Variants in BBS9 observed in about 807,000 individuals in gnomAD.
BBS9 encodes protein PTHB1.
BBS9 carries 89 observed loss-of-function variants against 117.7 expected under a neutral mutation model. The observed-to-expected ratio is 0.76, with a 90% confidence interval of 0.64 to 0.90. The LOEUF is 0.90. Among genes scored for constraint, BBS9 ranks in the 40% least tolerant of loss-of-function variants. BBS9 has a pLI of 0.00. For synonymous variants in BBS9, 379 were observed against 370.9 expected (o/e 1.02, Z -0.25); for missense variants, 982 against 1,042.2 (o/e 0.94, Z 0.80).
At chr7:33,236,174 A>G (rs954481538) in intron 5 of BBS9, among the ~76,000 whole-genome samples, 1 of 151,990 alleles carries the variant, frequency 6.6e-6, no homozygotes, top group African/African-American at 2.4e-5. Context: ...TAAAAATACA[A>G]AATTAGCTGG....
intron 21 of BBS9, among the ~76,000 whole-genome samples, chr7:33,597,816 T>A (rs1863102334): frequency 6.8e-6 from 1 of 146,540 alleles, no homozygotes; most frequent in East Asian, 2.0e-4. Flanking sequence ...TGATTAAACC[T>A]AAAGCTACAG....
chr7:33,598,500 A>G (rs1358460053), intron 21 of BBS9, among the ~76,000 whole-genome samples: 1 of 152,154 alleles, frequency 6.6e-6, no homozygotes, highest in Non-Finnish European at 1.5e-5. Context: ...TAAACTGTGG[A>G]CTTTAGTTAA....
intron 21 of BBS9, among the ~76,000 whole-genome samples, chr7:33,582,347 T>C (rs1374301971): frequency 6.6e-6 from 1 of 152,052 alleles, no homozygotes; most frequent in Admixed American, 6.6e-5. Flanking sequence ...CCCATGGGGC[T>C]GCTTGGAAGG....
In BBS9 at chr7:33,408,203, C is replaced by T. The variant is rs186104046; in HGVS notation, c.2115+20059C>T. 3.2e-3 allele frequency among the ~76,000 whole-genome samples: 494 copies of T among 152,300 alleles called. 1 individual carries two copies. Among genetic ancestry groups the T allele is most frequent in the African/African-American group, 0.011 (465 of 41,572 alleles). ...GTTTGATCTCAGACTGCTGTGCTAG[C>T]AATCAGCGAGACTCCATGGGTGTAG... On this transcript the variant is annotated intron_variant, in intron 19 of 22. Transcript: ENST00000242067.
chr7:33,310,956 T>A (rs779425557), intron 9 of BBS9, among the ~76,000 whole-genome samples: 13 of 152,214 alleles, frequency 8.5e-5, no homozygotes, highest in Non-Finnish European at 1.9e-4. Flanking sequence ...ATTAAATATA[T>A]AATTGCTCAA....
chr7:33,481,216 G>A (rs1308843194), intron 19 of BBS9, among the ~76,000 whole-genome samples: 1 of 152,136 alleles, frequency 6.6e-6, no homozygotes. Context: ...TTAATGTATG[G>A]TAGTGGGAAT....
intron 19 of BBS9, among the ~76,000 whole-genome samples, chr7:33,419,062 C>T (rs1472496350): frequency 2.6e-5 from 4 of 151,938 alleles, no homozygotes; most frequent in Non-Finnish European, 5.9e-5. Flanking sequence ...TTCTGCATTC[C>T]ATTAAAATTG....
intron 5 of BBS9, among the ~76,000 whole-genome samples, chr7:33,205,614 T>A (rs955753847): frequency 5.3e-5 from 8 of 152,156 alleles, no homozygotes; most frequent in African/African-American, 1.9e-4. Context: ...ATTTTTTTCT[T>A]CTGTTCATTG....
chr7:33,367,636 A>G lies in BBS9; in HGVS notation c.1694-131A>G, dbSNP rs1822031363. The G allele has an allele frequency of 8.0e-6, 6 of 750,618 alleles. No individual in the cohort carries two copies. In the African/African-American group the frequency reaches 1.0e-4, roughly 13 times the overall value. The allele number at this position is 750,618 out of a possible 1,614,324, so 46.5% of individuals were successfully genotyped here. A position where few individuals can be genotyped will look rare whatever the true frequency, so the allele number is the denominator to read the frequency against. On this transcript the variant is annotated intron_variant, in intron 16 of 22. Transcript: ENST00000242067. ...CTATGGAAATCAAGGTGAATATATT[A>G]TAGCTCACACATGGAGTTTATACAT...
At chr7:33,145,918 A>G (rs1792269436) in intron 1 of BBS9, among the ~76,000 whole-genome samples, 1 of 152,240 alleles carries the variant, frequency 6.6e-6, no homozygotes. Context: ...CATGTTAAAT[A>G]GTGCTGATGG....
chr7:33,576,086 TATTCA>T (rs2129148004), intron 21 of BBS9, among the ~76,000 whole-genome samples: 1 of 152,224 alleles, frequency 6.6e-6, no homozygotes, highest in Admixed American at 6.5e-5. Flanking sequence ...AAATAAAGGG[TATTCA>T]ATTAGGAAAA....
chr7:33,199,188 A>C (rs1298439148), intron 5 of BBS9, among the ~76,000 whole-genome samples: 4 of 151,906 alleles, frequency 2.6e-5, no homozygotes, highest in Admixed American at 2.6e-4. Context: ...TCTCTTGCCC[A>C]ACTTCCTGAA....
At chr7:33,143,773 C>T (rs753180162) in intron 1 of BBS9, among the ~76,000 whole-genome samples, 19 of 151,762 alleles carry the variant, frequency 1.3e-4, no homozygotes, top group Non-Finnish European at 2.5e-4. Context: ...CTATGTTGGC[C>T]AGGCTGGTCT....
intron 21 of BBS9, among the ~76,000 whole-genome samples, chr7:33,564,127 T>C (rs750098879): frequency 2.6e-5 from 4 of 152,212 alleles, no homozygotes; most frequent in Non-Finnish European, 5.9e-5. Flanking sequence ...TTCTTTGTTT[T>C]ATTGGCAAAT....
chr7:33,451,895 G>A (rs147042426), intron 19 of BBS9, among the ~76,000 whole-genome samples: 146 of 152,104 alleles, frequency 9.6e-4, no homozygotes, highest in Middle Eastern at 3.4e-3. Context: ...GTGCAGTTGT[G>A]TGGTCTCAGC....
intron 1 of BBS9, among the ~76,000 whole-genome samples, chr7:33,131,121 A>G (rs1346404163): frequency 6.6e-6 from 1 of 152,204 alleles, no homozygotes; most frequent in Non-Finnish European, 1.5e-5. Context: ...GTCCCATTTA[A>G]AATTTCGGTC....
At chr7:33,411,011 G>GTTTTTTTTTTTTTTTT (rs765425062) in intron 19 of BBS9, among the ~76,000 whole-genome samples, 26 of 96,430 alleles carry the variant, frequency 2.7e-4, no homozygotes, top group African/African-American at 8.2e-4. Context: ...AAATGTTGGT[G>GTTTTTTTTTTTTTTTT]TTTTTTTTTT....
intron 19 of BBS9, among the ~76,000 whole-genome samples, chr7:33,410,984 G>T: frequency 7.0e-6 from 1 of 143,570 alleles, no homozygotes; most frequent in African/African-American, 2.6e-5. Flanking sequence ...CTTGGCCACA[G>T]ACCACAGAAG....
intron 5 of BBS9, among the ~76,000 whole-genome samples, chr7:33,188,721 G>A (rs371731350): frequency 2.6e-5 from 4 of 152,298 alleles, no homozygotes; most frequent in Admixed American, 1.3e-4. Flanking sequence ...TCATTTGCAA[G>A]TCATTGGTGA....
Sources: allele counts gnomAD v4.1 joint callset (sites outside exome capture counted in the v4.1 genomes callset), GRCh38; gene constraint gnomAD v4.1.1; transcripts MANE v1.5; gene names NCBI Gene and HGNC (gene_info 2026-07-23, HGNC 2026-07-21).